The following PHF20 variants were observed in gnomAD, a reference collection of about 807,000 sequenced individuals.
PHF20 encodes glioma-expressed antigen 2.
In PHF20, 23 loss-of-function variants were observed where a neutral mutation model predicts 113.5. The observed-to-expected ratio is 0.20, with a 90% confidence interval of 0.15 to 0.29. PHF20 has a LOEUF of 0.29. Ranked by LOEUF, PHF20 falls within the 10% of genes least tolerant of loss-of-function variation. PHF20 has a pLI of 1.00. For synonymous variants in PHF20, 434 were observed against 457.3 expected (o/e 0.95, Z 0.65); for missense variants, 943 against 1,219.6 (o/e 0.77, Z 3.38).
chr20:35,826,568 A>C (rs1036185922), intron 2 of PHF20, among the ~76,000 whole-genome samples: 4 of 152,190 alleles, frequency 2.6e-5, no homozygotes, highest in African/African-American at 9.6e-5. Context: ...GAGAAGGCAG[A>C]AGGAATAACA....
intron 10 of PHF20, among the ~76,000 whole-genome samples, chr20:35,904,767 C>CTCCTCCTTTCCTTCCTTCCTTCCTTCCT (rs371026258): frequency 1.6e-5 from 2 of 125,614 alleles, no homozygotes; most frequent in African/African-American, 6.7e-5. Context: ...GATTTCTTTT[C>CTCCTCCTTTCCTTCCTTCCTTCCTTCCT]TCCTTCCTTC....
chr20:35,874,139 AT>A (rs1215379916), intron 9 of PHF20, among the ~76,000 whole-genome samples: 2 of 150,974 alleles, frequency 1.3e-5, no homozygotes, highest in Non-Finnish European at 3.0e-5. Flanking sequence ...GCCTGGCTAA[AT>A]TTTTTTTGTA....
chr20:35,878,948 CAAGTT>C (rs1443494279), intron 9 of PHF20, among the ~76,000 whole-genome samples: 2 of 152,270 alleles, frequency 1.3e-5, no homozygotes, highest in East Asian at 3.9e-4. Context: ...TCAAGGAAGT[CAAGTT>C]AACTTAAAAG....
chr20:35,908,316 C>G (rs911257567), intron 10 of PHF20, among the ~76,000 whole-genome samples: 1 of 152,216 alleles, frequency 6.6e-6, no homozygotes, highest in Non-Finnish European at 1.5e-5. Flanking sequence ...TTCTCTGTGT[C>G]TTTTCTAGGG....
intron 2 of PHF20, among the ~76,000 whole-genome samples, chr20:35,810,183 G>A (rs911870460): frequency 3.3e-5 from 5 of 152,012 alleles, no homozygotes; most frequent in African/African-American, 4.8e-5. Flanking sequence ...GCCCGCCTCC[G>A]CCTCCCAAAG....
At chr20:35,841,428 A>G (rs1250003620) in intron 2 of PHF20, among the ~76,000 whole-genome samples, 1 of 152,162 alleles carries the variant, frequency 6.6e-6, no homozygotes, top group Non-Finnish European at 1.5e-5. Context: ...ATATCTTAGA[A>G]GAGCTTTCCA....
At chr20:35,855,868 A>G (rs1440413969) in intron 4 of PHF20, among the ~76,000 whole-genome samples, 1 of 152,040 alleles carries the variant, frequency 6.6e-6, no homozygotes, top group Admixed American at 6.6e-5. Context: ...CAGTAGAGAC[A>G]GGGTTTCACC....
chr20:35,883,697 T>A (rs767169916), intron 9 of PHF20, among the ~76,000 whole-genome samples: 18 of 152,196 alleles, frequency 1.2e-4, no homozygotes, highest in Non-Finnish European at 2.2e-4. Context: ...TTGCCTCGGC[T>A]TCCCAAAGTG....
Position 35,847,437 on chromosome 20 carries a change from A to G in PHF20, c.340+3A>G, listed in dbSNP as rs1466390589. ...AGTCACTGCTGTTAACAAGGATGGT[A>G]AGGCATTTGAGTTGTAGTTGTTTTT... On this transcript the variant is annotated splice_donor_region_variant and intron_variant, in intron 4 of 17. Transcript: ENST00000374012. The G allele has an allele frequency of 6.2e-7, 1 of 1,602,288 alleles. No individual in the cohort carries two copies. The highest frequency in any genetic ancestry group is 8.5e-7 in the Non-Finnish European group (1 of 1,170,006).
chr20:35,800,934 A>G (rs559957376), intron 1 of PHF20, among the ~76,000 whole-genome samples: 2 of 152,254 alleles, frequency 1.3e-5, no homozygotes, highest in South Asian at 4.1e-4. Context: ...CAAAGAAACA[A>G]CTTGGCTCTG....
intron 17 of PHF20, among the ~76,000 whole-genome samples, chr20:35,945,104 C>T: frequency 6.6e-6 from 1 of 152,148 alleles, no homozygotes; most frequent in East Asian, 1.9e-4. Context: ...AGGGTTCCTC[C>T]TTCTTGGAAC....
chr20:35,824,158 CTG>C (rs1237326608), intron 2 of PHF20, among the ~76,000 whole-genome samples: 1 of 152,158 alleles, frequency 6.6e-6, no homozygotes. Context: ...TTCAGAGTCT[CTG>C]TACCATTTTG....
At chr20:35,912,885 T>C (rs578011887) in intron 10 of PHF20, among the ~76,000 whole-genome samples, 11 of 152,272 alleles carry the variant, frequency 7.2e-5, no homozygotes, top group Non-Finnish European at 1.5e-4. Context: ...GGAGCAGTGA[T>C]CTAAGTAGAG....
At chr20:35,943,582 A>G (rs1491004266) in intron 17 of PHF20, among the ~76,000 whole-genome samples, 2 of 150,620 alleles carry the variant, frequency 1.3e-5, no homozygotes, top group African/African-American at 4.9e-5. Context: ...CCATTATTTA[A>G]TTATTTATGT....
chr20:35,801,117 G>C (rs1361172070), intron 1 of PHF20, among the ~76,000 whole-genome samples: 1 of 152,222 alleles, frequency 6.6e-6, no homozygotes, highest in East Asian at 1.9e-4. Context: ...CAGGAGCTGT[G>C]TCTCTTTTGG....
At chr20:35,821,722 C>A (rs949083766) in intron 2 of PHF20, among the ~76,000 whole-genome samples, 1 of 152,086 alleles carries the variant, frequency 6.6e-6, no homozygotes, top group Non-Finnish European at 1.5e-5. Context: ...TGGGCAGAAA[C>A]AAGAAGAGCA....
At chr20:35,775,058 A>G (rs1326119018) in intron 1 of PHF20, 1 of 152,230 alleles carries the variant, frequency 6.6e-6, no homozygotes, top group Non-Finnish European at 1.5e-5. Context: ...CTGAAAGTGA[A>G]CAGATACTTT....
chr20:35,913,061 C>T (rs928173428), intron 10 of PHF20, among the ~76,000 whole-genome samples, 188 bp from the exon 11 acceptor site: 1 of 152,138 alleles, frequency 6.6e-6, no homozygotes, highest in East Asian at 1.9e-4. Flanking sequence ...GGGCCATGGG[C>T]CAGAGTGTGC....
At chr20:35,919,422 C>G (rs573998004) in intron 13 of PHF20, among the ~76,000 whole-genome samples, 68 of 151,632 alleles carry the variant, frequency 4.5e-4, no homozygotes, top group African/African-American at 1.5e-3. Context: ...TCACTGCAAC[C>G]TCTGCCTCCC....
Sources: gnomAD v4.1 joint callset for allele counts (sites outside exome capture counted in the v4.1 genomes callset) on GRCh38, gnomAD v4.1.1 for gene constraint, MANE v1.5 for transcripts, NCBI Gene and HGNC (gene_info 2026-07-23, HGNC 2026-07-21) for gene names.